The following STX12 variants were observed in gnomAD, a reference collection of about 807,000 sequenced individuals.
STX12 encodes the protein syntaxin 12.
STX12 carries 17 observed loss-of-function variants against 42.2 expected under a neutral mutation model. The ratio of observed to expected loss-of-function variants is 0.40; its 90% CI spans 0.28 to 0.60. The LOEUF (loss-of-function observed/expected upper bound fraction) is 0.60, where lower values mean the gene tolerates loss of function less well. STX12 is among the 20% of genes least tolerant of loss of function. The pLI, the probability that STX12 is intolerant of heterozygous loss-of-function variation, is 0.39. For missense variants in STX12, 297 were observed against 330.9 expected (o/e 0.90, Z 0.79); for synonymous variants, 108 against 116.7 (o/e 0.93, Z 0.48).
chr1:27,776,265 A>G (rs555188426), intron 1 of STX12, among the ~76,000 whole-genome samples: 30 of 152,212 alleles, frequency 2.0e-4, no homozygotes, highest in Non-Finnish European at 4.1e-4. Context: ...CTTATTTTAT[A>G]ACAACTCTGA....
chr1:27,784,550 T>C (rs79205286), intron 1 of STX12, among the ~76,000 whole-genome samples: 7,262 of 152,228 alleles, frequency 0.048, 575 homozygotes, highest in African/African-American at 0.16. Context: ...TTAAGTATGC[T>C]CAAGGGCAAA....
At chr1:27,814,946 A>G (rs2088930847) in intron 6 of STX12, among the ~76,000 whole-genome samples, 1 of 152,180 alleles carries the variant, frequency 6.6e-6, no homozygotes, top group African/African-American at 2.4e-5. Flanking sequence ...AAAATAATAC[A>G]ACAATAAAAA....
intron 6 of STX12, among the ~76,000 whole-genome samples, chr1:27,814,057 C>T (rs2088922142): frequency 6.6e-6 from 1 of 152,178 alleles, no homozygotes; most frequent in Non-Finnish European, 1.5e-5. Context: ...CCCGCCACCA[C>T]TCCTGGCTAA....
chr1:27,790,497 A>G (rs1357825367), intron 2 of STX12, among the ~76,000 whole-genome samples: 2 of 152,158 alleles, frequency 1.3e-5, no homozygotes, highest in African/African-American at 4.8e-5. Flanking sequence ...TGATTGGTGC[A>G]TTTTACAATC....
intron 6 of STX12, among the ~76,000 whole-genome samples, chr1:27,816,763 A>G (rs1467179344): frequency 6.6e-6 from 1 of 151,896 alleles, no homozygotes; most frequent in African/African-American, 2.4e-5. Context: ...CTAAAAATAA[A>G]AAATTATCCG....
intron 2 of STX12, 89 bp downstream of exon 2, chr1:27,789,720 G>C (rs2088725872): frequency 2.0e-6 from 2 of 1,005,194 alleles, no homozygotes; most frequent in Non-Finnish European, 3.1e-6. Context: ...TTTCAGGTCT[G>C]GGAAGTCAGA....
chr1:27,802,700 C>T (rs2088835275), intron 4 of STX12, among the ~76,000 whole-genome samples: 1 of 152,152 alleles, frequency 6.6e-6, no homozygotes, highest in Non-Finnish European at 1.5e-5. Flanking sequence ...TGAAATAATA[C>T]TCTCAAATAA....
At chr1:27,798,644 CAAAAA>C (rs71010374) in intron 3 of STX12, among the ~76,000 whole-genome samples, 49 of 48,370 alleles carry the variant, frequency 1.0e-3, no homozygotes, top group Middle Eastern at 0.023. Context: ...GACTCCCTCT[CAAAAA>C]AAAAAAAAAA....
intron 1 of STX12, among the ~76,000 whole-genome samples, chr1:27,788,550 A>G (rs536515940): frequency 2.2e-4 from 33 of 152,170 alleles, no homozygotes; most frequent in Non-Finnish European, 4.8e-4. Flanking sequence ...GCTGAACAAA[A>G]CCATATGTTT....
Position 27,822,381 on chromosome 1 carries a change from G to A in STX12, c.*52G>A, listed in dbSNP as rs746871479. On this transcript the variant is annotated 3_prime_UTR_variant, in exon 9 of 9. Coordinates refer to ENST00000373943, the MANE Select transcript of STX12 (RefSeq NM_177424.3). ...CTGTTTTCAAGGGCAAGTGCTTGTT[G>A]AAGTCTTGCCAGAACAAACTGATCA... The A allele has an allele frequency of 9.3e-6, 11 of 1,183,014 alleles. No homozygotes were observed. Among genetic ancestry groups the A allele is most frequent in the Non-Finnish European group, 1.3e-5 (10 of 786,868 alleles). The allele number at this position is 1,183,014 out of a possible 1,614,324, so 73.3% of individuals were successfully genotyped here.
intron 1 of STX12, 51 bp downstream of exon 1, chr1:27,773,476 T>A: frequency 6.5e-7 from 1 of 1,545,808 alleles, no homozygotes; most frequent in Non-Finnish European, 8.9e-7. Context: ...GGGACAGGCC[T>A]GGGTGAGGCT....
chr1:27,776,740 TAAATC>T (rs2088630388), intron 1 of STX12, among the ~76,000 whole-genome samples: 1 of 152,068 alleles, frequency 6.6e-6, no homozygotes, highest in Non-Finnish European at 1.5e-5. Context: ...TAAAAATAAA[TAAATC>T]AATAACAGTG....
chr1:27,801,559 T>G, intron 3 of STX12, 119 bp from the exon 4 acceptor site: 1 of 1,079,754 alleles, frequency 9.3e-7, no homozygotes, highest in African/African-American at 1.6e-5. Context: ...AAGAGACTAT[T>G]TCATAATAAT....
chr1:27,811,956 A>G, intron 5 of STX12: 2 of 641,190 alleles, frequency 3.1e-6, no homozygotes, highest in Admixed American at 2.1e-5. Flanking sequence ...AGCTTTGCCC[A>G]TGGAAGCTGA....
At chr1:27,804,221 T>C (rs1419400940) in intron 4 of STX12, among the ~76,000 whole-genome samples, 1 of 147,662 alleles carries the variant, frequency 6.8e-6, no homozygotes, top group Non-Finnish European at 1.5e-5. Flanking sequence ...AGGTCAGGAG[T>C]TCAAGACCAG....
At chr1:27,807,019 G>T (rs1325007774) in intron 4 of STX12, among the ~76,000 whole-genome samples, 1 of 152,014 alleles carries the variant, frequency 6.6e-6, no homozygotes, top group African/African-American at 2.4e-5. Flanking sequence ...ATTTGAGTGG[G>T]GACATAGAGC....
chr1:27,817,916 T>G lies in STX12; in HGVS notation c.642T>G (p.Asp214Glu). 1 of 1,613,756 alleles carries G rather than the reference T, an allele frequency of 6.2e-7. No individual in the cohort carries two copies. The highest frequency in any genetic ancestry group is 2.2e-5 in the East Asian group (1 of 44,868). Residue 214 changes from aspartate (D) to glutamate (E), a missense_variant, in exon 7 of 9, where the codon GAT becomes GAG. Coordinates refer to ENST00000373943, the MANE Select transcript of STX12 (RefSeq NM_177424.3). Reference sequence around the variant, plus strand: ...CCATGATGATCCATGACCAGGGTGATCTGATTGGTATGTATTATTGATACC... The same window carrying G: ...CCATGATGATCCATGACCAGGGTGAGCTGATTGGTATGTATTATTGATACC... ...DLAMMIHDQGDLIDSIEANVE... is the reference protein window; with the variant it reads ...DLAMMIHDQGELIDSIEANVE...
At chr1:27,787,168 A>G (rs2088704438) in intron 1 of STX12, among the ~76,000 whole-genome samples, 1 of 152,204 alleles carries the variant, frequency 6.6e-6, no homozygotes, top group Non-Finnish European at 1.5e-5. Flanking sequence ...TGAAATCATA[A>G]TCTGAAGTGC....
Position 27,811,987 on chromosome 1 carries a change from A to G in STX12, c.471-176A>G, listed in dbSNP as rs79294812. On this transcript the variant is annotated intron_variant, in intron 5 of 8. Coordinates refer to ENST00000373943, the MANE Select transcript of STX12 (RefSeq NM_177424.3). Reference sequence around the variant, plus strand: ...GCTGAGTCTTTGTTTTCCTGATATCATCAGCTCTTTGCTTCTGGATATGAA... The same window carrying G: ...GCTGAGTCTTTGTTTTCCTGATATCGTCAGCTCTTTGCTTCTGGATATGAA... The G allele has an allele frequency of 4.5e-4, 308 of 678,842 alleles. 1 individual carries two copies. In the African/African-American group the frequency reaches 4.9e-3, roughly 11 times the overall value. 42.1% of individuals were successfully genotyped at this position (678,842 alleles called of 1,614,324 possible). A position where few individuals can be genotyped will look rare whatever the true frequency, so the allele number is the denominator to read the frequency against.
Sources: allele counts gnomAD v4.1 joint callset (sites outside exome capture counted in the v4.1 genomes callset), GRCh38; gene constraint gnomAD v4.1.1; transcripts MANE v1.5; gene names NCBI Gene and HGNC (gene_info 2026-07-23, HGNC 2026-07-21).